The following PCED1B variants were observed in gnomAD, a reference collection of about 807,000 sequenced individuals.
PCED1B encodes the protein PC-esterase domain-containing protein 1B.
For synonymous variants in PCED1B, 251 were observed against 246.1 expected (o/e 1.02, Z -0.19); for missense variants, 573 against 573.9 (o/e 1.00, Z 0.02).
intron 2 of PCED1B, among the ~76,000 whole-genome samples, chr12:47,184,482 C>T (rs571239673): frequency 1.3e-5 from 2 of 152,292 alleles, no homozygotes; most frequent in East Asian, 3.9e-4. Flanking sequence ...CCAGCACACA[C>T]CACTGGTTCT....
intron 2 of PCED1B, among the ~76,000 whole-genome samples, chr12:47,206,942 G>A (rs1942929702): frequency 6.6e-6 from 1 of 152,192 alleles, no homozygotes; most frequent in African/African-American, 2.4e-5. Flanking sequence ...TCTTGCCTTA[G>A]GTAAATGGCT....
At chr12:47,224,071 G>T (rs950475676) in intron 3 of PCED1B, 1 of 152,200 alleles carries the variant, frequency 6.6e-6, no homozygotes, top group African/African-American at 2.4e-5. Flanking sequence ...GGGGTAATAG[G>T]TAGGAAGTTA....
chr12:47,203,759 G>A (rs1169941834), intron 2 of PCED1B, among the ~76,000 whole-genome samples: 1 of 152,074 alleles, frequency 6.6e-6, no homozygotes, highest in East Asian at 1.9e-4. Flanking sequence ...TGCTACTAGT[G>A]CTCCAATGGA....
At chr12:47,230,748 C>T (rs1331623526) in intron 3 of PCED1B, among the ~76,000 whole-genome samples, 1 of 152,106 alleles carries the variant, frequency 6.6e-6, no homozygotes, top group African/African-American at 2.4e-5. Context: ...GGCCAACATA[C>T]CATTAATATA....
chr12:47,227,592 G>A (rs572600557), intron 3 of PCED1B, among the ~76,000 whole-genome samples: 8 of 151,940 alleles, frequency 5.3e-5, no homozygotes, highest in East Asian at 2.0e-4. Flanking sequence ...AGTGGTTCAC[G>A]CCTGTAATCC....
chr12:47,230,126 C>T (rs1307669705), intron 3 of PCED1B, among the ~76,000 whole-genome samples: 1 of 149,482 alleles, frequency 6.7e-6, no homozygotes, highest in Non-Finnish European at 1.5e-5. Flanking sequence ...CACTCTGTCC[C>T]CAGGCTGGAG....
intron 2 of PCED1B, among the ~76,000 whole-genome samples, chr12:47,150,072 A>C (rs1187343549): frequency 6.6e-6 from 1 of 152,228 alleles, no homozygotes; most frequent in African/African-American, 2.4e-5. Flanking sequence ...TATGTATCAA[A>C]TCATCATATT....
intron 1 of PCED1B, among the ~76,000 whole-genome samples, chr12:47,096,483 C>T (rs1023161681): frequency 3.3e-5 from 5 of 151,576 alleles, no homozygotes; most frequent in East Asian, 1.9e-4. Context: ...CAGCTGTTCA[C>T]ATAAATTAAT....
intron 2 of PCED1B, among the ~76,000 whole-genome samples, chr12:47,180,628 C>A (rs561500452): frequency 4.0e-5 from 6 of 151,780 alleles, no homozygotes; most frequent in Non-Finnish European, 5.9e-5. Context: ...GCTTCTGCAC[C>A]GCAAAAGAAA....
chr12:47,221,246 T>C (rs1210327668), intron 3 of PCED1B, among the ~76,000 whole-genome samples: 1 of 151,954 alleles, frequency 6.6e-6, no homozygotes, highest in Non-Finnish European at 1.5e-5. Context: ...GTGCTCAGCT[T>C]CCCAAAATAT....
At chr12:47,125,321 A>G (rs568070932) in intron 2 of PCED1B, among the ~76,000 whole-genome samples, 2 of 152,132 alleles carry the variant, frequency 1.3e-5, no homozygotes, top group African/African-American at 4.8e-5. Flanking sequence ...AATTGACCAT[A>G]TATGTGTGGA....
chr12:47,159,556 G>A (rs1274461709), intron 2 of PCED1B, among the ~76,000 whole-genome samples: 2 of 151,692 alleles, frequency 1.3e-5, no homozygotes, highest in African/African-American at 4.8e-5. Context: ...GTCTATTCAT[G>A]GTTTTTGCCC....
chr12:47,095,116 G>T (rs1286927063), intron 1 of PCED1B, among the ~76,000 whole-genome samples: 1 of 119,108 alleles, frequency 8.4e-6, no homozygotes. Flanking sequence ...TTGCTTTGTT[G>T]CCTAGGCTGA....
intron 2 of PCED1B, among the ~76,000 whole-genome samples, chr12:47,195,272 T>C (rs1942568889): frequency 2.0e-5 from 3 of 149,464 alleles, no homozygotes; most frequent in Admixed American, 1.3e-4. Context: ...GAGGTTGCAG[T>C]GAGCCGAGAT....
chr12:47,088,421 G>A (rs1415086333), intron 1 of PCED1B, among the ~76,000 whole-genome samples: 1 of 152,128 alleles, frequency 6.6e-6, no homozygotes, highest in African/African-American at 2.4e-5. Flanking sequence ...ACTGGAATGA[G>A]TCCACTGGTC....
chr12:47,083,100 C>T (rs1937820685), intron 1 of PCED1B, among the ~76,000 whole-genome samples: 1 of 151,088 alleles, frequency 6.6e-6, no homozygotes, highest in Non-Finnish European at 1.5e-5. Context: ...CACAGGAGTT[C>T]TAGCCCTGTA....
Position 47,228,730 on chromosome 12 carries a change from G to A in PCED1B, c.-57-6277G>A, listed in dbSNP as rs1159467528. ...ACTAAAAAAACTACAAAAATTAGCC[G>A]GGCATGGTGATGCACACCTGTAATC... On this transcript the variant is annotated intron_variant, in intron 3 of 3. Coordinates refer to ENST00000546455, the MANE Select transcript of PCED1B (RefSeq NM_138371.3). Among the ~76,000 whole-genome samples the A allele has an allele frequency of 3.3e-5, 5 of 151,688 alleles. No homozygotes were observed. In the East Asian group the frequency reaches 7.8e-4, roughly 24 times the overall value.
intron 2 of PCED1B, among the ~76,000 whole-genome samples, chr12:47,149,231 C>T (rs1421914159): frequency 2.0e-5 from 3 of 152,172 alleles, no homozygotes; most frequent in African/African-American, 7.2e-5. Context: ...ATACTCTAAC[C>T]CAGAGCTGAC....
At chr12:47,212,301 G>A (rs1943117153) in intron 2 of PCED1B, among the ~76,000 whole-genome samples, 2 of 152,128 alleles carry the variant, frequency 1.3e-5, no homozygotes, top group South Asian at 4.1e-4. Flanking sequence ...AAGAAAAAAG[G>A]AGAGAGGACC....
Sources: gnomAD v4.1 joint callset for allele counts (sites outside exome capture counted in the v4.1 genomes callset) on GRCh38, gnomAD v4.1.1 for gene constraint, MANE v1.5 for transcripts, NCBI Gene and HGNC (gene_info 2026-07-23, HGNC 2026-07-21) for gene names.